The following EMILIN2 variants were observed in gnomAD, a reference collection of about 807,000 sequenced individuals.
The protein encoded by EMILIN2 is EMILIN-2.
Under a neutral mutation model 87.1 loss-of-function variants are expected in EMILIN2, and 71 were observed. The observed-to-expected ratio is 0.82, with a 90% confidence interval of 0.67 to 0.99. The LOEUF (loss-of-function observed/expected upper bound fraction) is 0.99. Among genes scored for constraint, EMILIN2 ranks in the 50% least tolerant of loss-of-function variants. The probability of loss-of-function intolerance (pLI) is 0.00; values close to 1 mark genes in which losing one functional copy is unlikely to be tolerated. For missense variants in EMILIN2, 1,407 were observed against 1,371.8 expected, an observed-to-expected ratio of 1.03 and a Z score of -0.40; for synonymous variants, 581 against 563.4, an observed-to-expected ratio of 1.03 and a Z score of -0.44.
At chr18:2,865,178 C>T (rs866114221) in intron 2 of EMILIN2, among the ~76,000 whole-genome samples, 2 of 152,124 alleles carry the variant, frequency 1.3e-5, no homozygotes, top group South Asian at 2.1e-4. Flanking sequence ...TCCTTTAGCT[C>T]GTAGTAGTTT....
chr18:2,853,522 G>C (rs970832017), intron 2 of EMILIN2, among the ~76,000 whole-genome samples: 1 of 152,190 alleles, frequency 6.6e-6, no homozygotes, highest in Non-Finnish European at 1.5e-5. Context: ...GAGGCTGACC[G>C]CAGTGGGAAT....
chr18:2,847,355 G>C lies in EMILIN2; in HGVS notation c.134+33G>C. The C allele has an allele frequency of 1.6e-6, 2 of 1,287,634 alleles. No individual in the cohort carries two copies. Among genetic ancestry groups the C allele is most frequent in the Non-Finnish European group, 2.0e-6 (2 of 1,018,350 alleles). 79.8% of individuals were successfully genotyped at this position (1,287,634 alleles called of 1,614,324 possible). ...CGCGCCCCTTGGCTGGCCCCAAACC[G>C]CCTACCCCTCCCCGGCCCCCAGTTG... On this transcript the variant is annotated intron_variant, in intron 1 of 7. Coordinates refer to ENST00000254528, the MANE Select transcript of EMILIN2 (RefSeq NM_032048.3). The surrounding 1 kb of genome is among the most constrained non-coding windows in gnomAD (Gnocchi z 4.5).
At chr18:2,901,258 C>A (rs1231604556) in intron 4 of EMILIN2, among the ~76,000 whole-genome samples, 1 of 152,188 alleles carries the variant, frequency 6.6e-6, no homozygotes, top group Non-Finnish European at 1.5e-5. Flanking sequence ...CAGGGCCAAC[C>A]CTTTCCCCAG....
chr18:2,873,569 T>C (rs373444623), intron 2 of EMILIN2, among the ~76,000 whole-genome samples: 2,064 of 149,986 alleles, frequency 0.014, 58 homozygotes, highest in African/African-American at 0.049. Context: ...TAGCCGGGCG[T>C]GGTGGCGGGC....
At position 2,906,914 on chromosome 18, in the gene EMILIN2, C is replaced by T; in HGVS notation, c.2491C>T (p.Pro831Ser). 2 of 1,396,030 alleles carry T rather than the reference C, an allele frequency of 1.4e-6. No individual in the cohort carries two copies. Among genetic ancestry groups the T allele is most frequent in the South Asian group, 1.5e-5 (1 of 65,342 alleles). The allele number at this position is 1,396,030 out of a possible 1,614,324, so 86.5% of individuals were successfully genotyped here. The change falls in exon 5 of 8, where the codon CCC (proline) becomes TCC (serine). Residue 831 changes from proline (P) to serine (S), a missense_variant. Pro to Ser is a moderately conservative substitution (Grantham distance 74). Transcript: ENST00000254528. ...GRRPVLPQRPPEERPPQPPGS... is the reference protein window; with the variant it reads ...GRRPVLPQRPSEERPPQPPGS... ...ACGGCCCGTCCTGCCCCAGCGGCCC[C>T]CCGAGGAGAGGCCGCCCCAGCCGCC...
intron 4 of EMILIN2, among the ~76,000 whole-genome samples, chr18:2,901,082 A>G (rs73936852): frequency 0.032 from 4,876 of 152,234 alleles, 262 homozygotes; most frequent in African/African-American, 0.11. Flanking sequence ...ATTGGCATCA[A>G]TTTCTGCCTG....
chr18:2,891,318 C>A lies in EMILIN2; in HGVS notation c.1191C>A (p.Cys397Ter). The A allele has an allele frequency of 6.2e-7, 1 of 1,614,136 alleles. No homozygotes were observed. The highest frequency in any genetic ancestry group is 8.5e-7 in the Non-Finnish European group (1 of 1,180,028). The stretch of plus-strand genomic sequence containing the variant: ...AGCCTTCAGCCCAGGCAAATTGCTG[C>A]GACAGTGAAAAGAATGGTGACATTG... ...LQEPSAQANC[C>*]DSEKNGDIGQ... Residue 397 changes from cysteine to a stop codon, truncating the protein, a stop_gained, in exon 4 of 8, where the codon TGC becomes TGA. Transcript: ENST00000254528. LOFTEE classifies it high-confidence loss of function. This position sits in a 1 kb window ranked among gnomAD's most constrained non-coding sequence, Gnocchi z 4.6.
intron 2 of EMILIN2, among the ~76,000 whole-genome samples, chr18:2,861,241 A>G (rs902061275): frequency 1.4e-4 from 21 of 152,150 alleles, no homozygotes; most frequent in African/African-American, 4.8e-4. Flanking sequence ...AGTTTAATTA[A>G]ATCCCATTTG....
chr18:2,913,381 T>A lies in EMILIN2; in HGVS notation c.3139T>A (p.Tyr1047Asn), dbSNP rs140753415. Reference protein sequence around the residue: ...MYSTFSGVFLYPFLSHL With the variant: ...MYSTFSGVFLNPFLSHL The stretch of plus-strand genomic sequence containing the variant: ...CTCCACATTTAGTGGGGTTTTCTTA[T>A]ATCCTTTCCTTTCCCACCTCTAAGG... Residue 1047 changes from tyrosine to asparagine, a missense_variant, in exon 8 of 8, where the codon TAT becomes AAT. Coordinates refer to ENST00000254528, the MANE Select transcript of EMILIN2 (RefSeq NM_032048.3). 5.0e-6 allele frequency: 8 copies of A among 1,604,288 alleles called. No homozygotes were observed. The highest frequency in any genetic ancestry group is 6.8e-6 in the Non-Finnish European group (8 of 1,175,622).
chr18:2,910,301 C>T (rs1420205686), intron 7 of EMILIN2, among the ~76,000 whole-genome samples: 1 of 152,220 alleles, frequency 6.6e-6, no homozygotes, highest in African/African-American at 2.4e-5. Flanking sequence ...CAGAGGGCCT[C>T]ATGCTCTGCA....
chr18:2,892,244 T>C lies in EMILIN2; in HGVS notation c.2117T>C (p.Val706Ala), dbSNP rs2076842074. 1 of 1,612,474 alleles carries C rather than the reference T, an allele frequency of 6.2e-7. No homozygotes were observed. Among genetic ancestry groups the C allele is most frequent in the Non-Finnish European group, 8.5e-7 (1 of 1,178,838 alleles). The change falls in exon 4 of 8, where the codon GTG (valine) becomes GCG (alanine). Residue 706 changes from valine (V) to alanine (A), a missense_variant. By Grantham distance (64) the Val-to-Ala change is moderately conservative. Transcript: ENST00000254528. ...QREVSMVEGR[V>A]SHMEKTCSKL... ...GAGGTCTCCATGGTGGAGGGCAGGG[T>C]GTCTCATATGGAGAAAACTTGCAGC...
Position 2,892,315 on chromosome 18 carries a change from C to T in EMILIN2, c.2188C>T (p.Leu730Phe), listed in dbSNP as rs1313219596. ...AAATCTTCAGAGGATCAAGGAGGGG[C>T]TCAACAAGCATGTCAGCAGCCTGTG... is the stretch of plus-strand genomic sequence containing the variant. ...SGNLQRIKEG[L>F]NKHVSSLWNC... The change falls in exon 4 of 8, where the codon CTC (leucine) becomes TTC (phenylalanine). Residue 730 changes from leucine to phenylalanine, a missense_variant. By Grantham distance (22) the Leu-to-Phe change is conservative (BLOSUM62 0). Coordinates refer to ENST00000254528, the MANE Select transcript of EMILIN2 (RefSeq NM_032048.3). The T allele has an allele frequency of 6.2e-7, 1 of 1,614,136 alleles. No individual in the cohort carries two copies. Among genetic ancestry groups the T allele is most frequent in the Non-Finnish European group, 8.5e-7 (1 of 1,180,030 alleles).
intron 2 of EMILIN2, among the ~76,000 whole-genome samples, chr18:2,851,844 C>T (rs1373639593): frequency 1.3e-5 from 2 of 152,168 alleles, no homozygotes; most frequent in Non-Finnish European, 2.9e-5. Context: ...CCATTCCATA[C>T]ATTAGTTTAT....
At chr18:2,905,476 C>T (rs1625364) in intron 4 of EMILIN2, among the ~76,000 whole-genome samples, 120,908 of 151,812 alleles carry the variant, frequency 0.8, 48,393 homozygotes, top group Admixed American at 0.84. Flanking sequence ...AAAGCATGTG[C>T]CATTTCTTTA....
intron 2 of EMILIN2, among the ~76,000 whole-genome samples, chr18:2,873,294 C>T (rs188499058): frequency 1.1e-4 from 16 of 152,148 alleles, no homozygotes; most frequent in East Asian, 5.8e-4. Context: ...CCTGTAATCC[C>T]GGCTACTCAG....
Position 2,907,075 on chromosome 18 carries a change from G to C in EMILIN2, c.2652G>C (p.Ala884=), listed in dbSNP as rs1393977954. The change falls in exon 5 of 8, where the codon GCG becomes GCC. Residue 884 remains alanine (A), a synonymous_variant. Coordinates refer to ENST00000254528, the MANE Select transcript of EMILIN2 (RefSeq NM_032048.3). ...SGTVPGAEGF[A]GAPGYPKSPP... is the part of the protein sequence containing the mutation. The stretch of plus-strand genomic sequence containing the variant: ...CCGTCCCCGGCGCAGAAGGCTTCGC[G>C]GGCGCACCAGGTGAGGCCCGGGGCT... The C allele has an allele frequency of 1.6e-6, 2 of 1,253,484 alleles. No homozygotes were observed. Among genetic ancestry groups the C allele is most frequent in the African/African-American group, 3.1e-5 (2 of 64,298 alleles). 77.6% of individuals were successfully genotyped at this position (1,253,484 alleles called of 1,614,324 possible). A position where few individuals can be genotyped will look rare whatever the true frequency, so the allele number is the denominator to read the frequency against.
At chr18:2,909,659 G>A in intron 6 of EMILIN2, 32 bp from the exon 7 acceptor site, 1 of 1,611,326 alleles carries the variant, frequency 6.2e-7, no homozygotes, top group Non-Finnish European at 8.5e-7. Context: ...GAAGCACCCG[G>A]GTCAATCCAT....
rs1186113191 is a variant in EMILIN2 at position 2,890,635 on chromosome 18, G to A, written c.508G>A (p.Val170Ile). 1.2e-6 allele frequency: 2 copies of A among 1,613,808 alleles called. No individual in the cohort carries two copies. The highest frequency in any genetic ancestry group is 1.7e-6 in the Non-Finnish European group (2 of 1,179,718). ...PTGTAQPSWG[V>I]DPKEGPQELQ... ...TGGTACAGCACAACCAAGCTGGGGG[G>A]TAGATCCAAAAGAGGGGCCTCAGGA... Residue 170 changes from valine (V) to isoleucine (I), a missense_variant, in exon 4 of 8, where the codon GTA becomes ATA. Val to Ile is a conservative substitution (Grantham distance 29). Transcript: ENST00000254528. The surrounding 1 kb of genome is among the most constrained non-coding windows in gnomAD (Gnocchi z 4.7).
At chr18:2,885,471 T>G (rs1307590903) in intron 3 of EMILIN2, among the ~76,000 whole-genome samples, 1 of 152,212 alleles carries the variant, frequency 6.6e-6, no homozygotes, top group Non-Finnish European at 1.5e-5. Context: ...GTACTGTTTG[T>G]TTTTACTTGG....
Sources: gnomAD v4.1 joint callset for allele counts (sites outside exome capture counted in the v4.1 genomes callset) on GRCh38, gnomAD v4.1.1 for gene constraint, Gnocchi (gnomAD v3.1) non-coding constraint, MANE v1.5 for transcripts, NCBI Gene and HGNC (gene_info 2026-07-23, HGNC 2026-07-21) for gene names.